The following KIF5C variants were observed in gnomAD, a reference collection of about 807,000 sequenced individuals.
The protein encoded by KIF5C is kinesin heavy chain isoform 5C.
In KIF5C, 18 loss-of-function variants were observed where a neutral mutation model predicts 125.2. The observed-to-expected ratio is 0.14, with a 90% CI of 0.10 to 0.21. The LOEUF (loss-of-function observed/expected upper bound fraction) is 0.21. Among genes scored for constraint, KIF5C ranks in the 10% least tolerant of loss-of-function variants. KIF5C has a pLI of 1.00. For missense variants in KIF5C, 780 were observed against 1,183.8 expected, an observed-to-expected ratio of 0.66 and a Z score of 5.01; for synonymous variants, 405 against 434.0, an observed-to-expected ratio of 0.93 and a Z score of 0.83.
chr2:149,010,465 G>C, intron 24 of KIF5C, 114 bp downstream of exon 24: 5 of 1,444,094 alleles, frequency 3.5e-6, no homozygotes, highest in Non-Finnish European at 4.6e-6. Flanking sequence ...TGAAAGGCTG[G>C]GTTGGAGCCC....
At position 148,936,583 on chromosome 2, in the gene KIF5C, C is replaced by A. The variant is rs529397366; in HGVS notation, c.292-701C>A. Among the ~76,000 whole-genome samples the A allele has an allele frequency of 3.3e-5, 5 of 152,176 alleles. No homozygotes were observed. The South Asian group carries it at 6.2e-4, about 19-fold the overall frequency. ...AATGGATTTGGTAATATCCAAATAG[C>A]AGAAGAATTTACCTATCCCTATCCC... On this transcript the variant is annotated intron_variant, in intron 3 of 25. Coordinates refer to ENST00000435030, the MANE Select transcript of KIF5C (RefSeq NM_004522.3).
intron 1 of KIF5C, among the ~76,000 whole-genome samples, chr2:148,920,876 A>C (rs1306952122): frequency 6.6e-6 from 1 of 152,184 alleles, no homozygotes; most frequent in Non-Finnish European, 1.5e-5. Flanking sequence ...GGAGGGGCAC[A>C]GTGGGAGAAA....
At chr2:149,007,114 G>C (rs1682031950) in intron 22 of KIF5C, among the ~76,000 whole-genome samples, 1 of 152,204 alleles carries the variant, frequency 6.6e-6, no homozygotes, top group Non-Finnish European at 1.5e-5. Context: ...CAGAGACTAG[G>C]GATGGGGCGT....
intron 4 of KIF5C, among the ~76,000 whole-genome samples, chr2:148,938,254 C>T (rs1035582998): frequency 2.0e-5 from 3 of 152,172 alleles, no homozygotes; most frequent in Non-Finnish European, 4.4e-5. Flanking sequence ...AATCTAAGCC[C>T]TGTTTTTCTT....
intron 8 of KIF5C, 95 bp downstream of exon 8, chr2:148,947,118 T>C (rs1447287823): frequency 4.1e-6 from 6 of 1,459,228 alleles, no homozygotes; most frequent in Non-Finnish European, 5.4e-6. Flanking sequence ...ATTTTCCTGC[T>C]TTAAAGAGCT....
chr2:148,942,636 C>T (rs1381626399), intron 6 of KIF5C, 37 bp from the exon 7 acceptor site: 5 of 1,585,286 alleles, frequency 3.2e-6, no homozygotes, highest in Non-Finnish European at 4.3e-6. Context: ...TGCTTTTCAA[C>T]TCTTTCAGTG....
At chr2:148,925,587 A>G (rs747769248) in intron 2 of KIF5C, among the ~76,000 whole-genome samples, 1 of 152,156 alleles carries the variant, frequency 6.6e-6, no homozygotes, top group Non-Finnish European at 1.5e-5. Context: ...GGGGCCATGG[A>G]CTGGGACTCA....
At chr2:148,943,713 G>A (rs1482104856) in intron 7 of KIF5C, among the ~76,000 whole-genome samples, 1 of 152,168 alleles carries the variant, frequency 6.6e-6, no homozygotes, top group Non-Finnish European at 1.5e-5. Flanking sequence ...GAGGTAGTGA[G>A]TTCACTGTTA....
intron 21 of KIF5C, among the ~76,000 whole-genome samples, chr2:149,004,409 C>T (rs543845791): frequency 6.6e-6 from 1 of 152,306 alleles, no homozygotes; most frequent in South Asian, 2.1e-4. Flanking sequence ...TTGCAAGGAA[C>T]TGATCATATT....
intron 3 of KIF5C, 94 bp from the exon 4 acceptor site, chr2:148,937,190 G>A (rs987001834): frequency 4.0e-6 from 6 of 1,498,690 alleles, no homozygotes; most frequent in African/African-American, 2.8e-5. Flanking sequence ...TGCTCCACCG[G>A]GTTCTGTCTG....
At chr2:149,003,841 G>A (rs1334621581) in intron 21 of KIF5C, among the ~76,000 whole-genome samples, 1 of 152,226 alleles carries the variant, frequency 6.6e-6, no homozygotes, top group Non-Finnish European at 1.5e-5. Flanking sequence ...ACAAAGAACT[G>A]TTCTCATTCC....
intron 10 of KIF5C, among the ~76,000 whole-genome samples, chr2:148,954,114 C>A (rs1038699367): frequency 6.9e-6 from 1 of 144,890 alleles, no homozygotes; most frequent in African/African-American, 2.6e-5. Flanking sequence ...TGAGAACATG[C>A]GGTGTTTGGT....
intron 1 of KIF5C, among the ~76,000 whole-genome samples, chr2:148,918,257 T>TA (rs1397155716): frequency 2.0e-5 from 3 of 152,264 alleles, no homozygotes; most frequent in Non-Finnish European, 2.9e-5. Flanking sequence ...AAAGCTTGTA[T>TA]ACTTTATTTT....
intron 1 of KIF5C, among the ~76,000 whole-genome samples, chr2:148,886,799 C>T (rs772175812): frequency 1.3e-5 from 2 of 152,094 alleles, no homozygotes; most frequent in African/African-American, 2.4e-5. Flanking sequence ...TTCAAACAAG[C>T]GGGAGAAAAA....
intron 3 of KIF5C, among the ~76,000 whole-genome samples, chr2:148,934,285 A>G (rs549526765): frequency 6.6e-6 from 1 of 151,552 alleles, no homozygotes; most frequent in East Asian, 1.9e-4. Context: ...CACACTATAT[A>G]CCACACATGA....
intron 1 of KIF5C, among the ~76,000 whole-genome samples, chr2:148,901,138 CTAG>C (rs1444987017): frequency 6.6e-6 from 1 of 152,094 alleles, no homozygotes; most frequent in Non-Finnish European, 1.5e-5. Flanking sequence ...TCAAAATCAT[CTAG>C]TGGAATACTT....
intron 16 of KIF5C, among the ~76,000 whole-genome samples, chr2:148,993,856 T>G (rs1681592559): frequency 6.6e-6 from 1 of 152,132 alleles, no homozygotes; most frequent in Admixed American, 6.6e-5. Context: ...TTAGGTGCTG[T>G]AAGAAAGTGT....
Position 148,994,461 on chromosome 2 carries a change from A to G in KIF5C, c.1946A>G (p.Asn649Ser), listed in dbSNP as rs1681610757. The G allele has an allele frequency of 3.2e-6, 5 of 1,575,562 alleles. No homozygotes were observed. Among genetic ancestry groups the G allele is most frequent in the Non-Finnish European group, 4.3e-6 (5 of 1,160,672 alleles). ...AAGTCTCTGACAGACTACATGCAGAACATGGAACAGAAGAGGAGGCAGCTA... is the reference window on the plus strand; with the variant it reads ...AAGTCTCTGACAGACTACATGCAGAGCATGGAACAGAAGAGGAGGCAGCTA... ...KIKSLTDYMQ[N>S]MEQKRRQLEE... Residue 649 changes from asparagine to serine, a missense_variant, in exon 17 of 26, where the codon AAC (asparagine) becomes AGC (serine). Asn to Ser is a conservative substitution (Grantham distance 46). This residue lies in a region of KIF5C where 573 missense variants were observed against 742.6 expected (regional missense o/e 0.77). Coordinates refer to ENST00000435030, the MANE Select transcript of KIF5C (RefSeq NM_004522.3).
intron 2 of KIF5C, among the ~76,000 whole-genome samples, chr2:148,927,585 G>A (rs1334057562): frequency 6.6e-6 from 1 of 152,138 alleles, no homozygotes; most frequent in Non-Finnish European, 1.5e-5. Context: ...GATGTAGCCA[G>A]CATTCCAATA....
Sources: allele counts gnomAD v4.1 joint callset (sites outside exome capture counted in the v4.1 genomes callset), GRCh38; gene constraint gnomAD v4.1.1; regional missense constraint gnomAD v4.1.1; transcripts MANE v1.5; gene names NCBI Gene and HGNC (gene_info 2026-07-23, HGNC 2026-07-21).